Variants in ADAM12 observed in about 807,000 individuals in gnomAD.
ADAM12 encodes the protein disintegrin and metalloproteinase domain-containing protein 12.
ADAM12 carries 70 observed loss-of-function variants against 106.4 expected under a neutral mutation model. That is an observed-to-expected ratio of 0.66 (90% confidence interval 0.54 to 0.80). The LOEUF (loss-of-function observed/expected upper bound fraction) is 0.80. Among genes scored for constraint, ADAM12 ranks in the 30% least tolerant of loss-of-function variants. The pLI is 0.00. For missense variants in ADAM12, 1,010 were observed against 1,171.9 expected, an observed-to-expected ratio of 0.86 and a Z score of 2.02; for synonymous variants, 420 against 433.5, an observed-to-expected ratio of 0.97 and a Z score of 0.39.
At chr10:126,344,717 T>G (rs941591447) in intron 1 of ADAM12, among the ~76,000 whole-genome samples, 2 of 152,206 alleles carry the variant, frequency 1.3e-5, no homozygotes, top group Non-Finnish European at 2.9e-5. Context: ...GGTTTGTTGT[T>G]CTCCTTGAAG....
At chr10:126,311,746 C>A (rs1028082102) in intron 2 of ADAM12, among the ~76,000 whole-genome samples, 4 of 152,172 alleles carry the variant, frequency 2.6e-5, no homozygotes, top group Non-Finnish European at 5.9e-5. Flanking sequence ...TGGTGCACTG[C>A]AACTCCACGG....
chr10:126,038,948 A>ATTT (rs1590319092), intron 19 of ADAM12, among the ~76,000 whole-genome samples: 1 of 100,578 alleles, frequency 9.9e-6, no homozygotes, highest in Non-Finnish European at 2.1e-5. Context: ...CTGAGACACC[A>ATTT]TTTCTTTTTT....
chr10:126,109,793 G>A lies in ADAM12; in HGVS notation c.651C>T (p.Ile217=), dbSNP rs202081020. 115 of 1,611,870 alleles carry A rather than the reference G, an allele frequency of 7.1e-5. No homozygotes were observed. The highest frequency in any genetic ancestry group is 8.4e-5 in the Admixed American group (5 of 59,830). Residue 217 remains isoleucine, a synonymous_variant, in exon 7 of 23, where the codon ATC becomes ATT. Coordinates refer to ENST00000448723, the MANE Select transcript of ADAM12 (RefSeq NM_001288973.2). ...LKATKYVELV[I]VADNREFQRQ... is the part of the protein sequence containing the mutation. The stretch of plus-strand genomic sequence containing the variant: ...TTCTTACCTCTCGGTTGTCTGCCAC[G>A]ATCACCAGCTCCACATACTTAGTTG...
chr10:126,271,531 G>A (rs1017662184), intron 3 of ADAM12, among the ~76,000 whole-genome samples: 1 of 152,302 alleles, frequency 6.6e-6, no homozygotes, highest in South Asian at 2.1e-4. Flanking sequence ...TTGGGAGGCC[G>A]AGGTAGGCAA....
chr10:126,377,413 G>A (rs971307989), intron 1 of ADAM12, among the ~76,000 whole-genome samples: 1 of 152,162 alleles, frequency 6.6e-6, no homozygotes, highest in African/African-American at 2.4e-5. Context: ...GAAGCATCCA[G>A]CACAGGAGAA....
intron 13 of ADAM12, among the ~76,000 whole-genome samples, 178 bp from the exon 14 acceptor site, chr10:126,065,179 G>C (rs1954842351): frequency 6.6e-6 from 1 of 152,146 alleles, no homozygotes; most frequent in African/African-American, 2.4e-5. Context: ...CTCGTTCTGG[G>C]GTTCACTGTT....
At chr10:126,234,913 C>A (rs768833883) in intron 3 of ADAM12, among the ~76,000 whole-genome samples, 1 of 152,206 alleles carries the variant, frequency 6.6e-6, no homozygotes, top group Non-Finnish European at 1.5e-5. Context: ...ACCTACAAAT[C>A]GTAAGGTGGC....
chr10:126,332,381 C>A (rs1232733481), intron 1 of ADAM12, among the ~76,000 whole-genome samples: 1 of 152,168 alleles, frequency 6.6e-6, no homozygotes, highest in Non-Finnish European at 1.5e-5. Flanking sequence ...GAGAAAACTG[C>A]CCTCAGGACT....
At chr10:126,265,227 A>G (rs958761347) in intron 3 of ADAM12, among the ~76,000 whole-genome samples, 1 of 152,220 alleles carries the variant, frequency 6.6e-6, no homozygotes, top group Non-Finnish European at 1.5e-5. Flanking sequence ...GCAGAGTGAT[A>G]AGTAGAGGTG....
chr10:126,064,739 G>A lies in ADAM12; in HGVS notation c.1609+67C>T, dbSNP rs1348844222. On this transcript the variant is annotated intron_variant, in intron 14 of 22. Transcript: ENST00000448723. This position sits in a 1 kb window ranked among gnomAD's most constrained non-coding sequence, Gnocchi z 4.4. ...GGGGGCTAACCAAAACAGAGCACAT[G>A]CCCCCAGTCCCACAGCCCAGGTCTG... 2.7e-6 allele frequency: 4 copies of A among 1,484,294 alleles called. No homozygotes were observed. Among genetic ancestry groups the A allele is most frequent in the Non-Finnish European group, 2.7e-6 (3 of 1,105,632 alleles). 91.9% of individuals were successfully genotyped at this position (1,484,294 alleles called of 1,614,324 possible). A position where few individuals can be genotyped will look rare whatever the true frequency, so the allele number is the denominator to read the frequency against.
intron 5 of ADAM12, among the ~76,000 whole-genome samples, chr10:126,126,072 G>A (rs189133358): frequency 2.6e-5 from 4 of 152,272 alleles, no homozygotes; most frequent in Admixed American, 2.0e-4. Flanking sequence ...GTTGTTTGAA[G>A]CCACCTAGTT....
intron 2 of ADAM12, among the ~76,000 whole-genome samples, chr10:126,297,613 T>C (rs1483921218): frequency 6.6e-6 from 1 of 152,214 alleles, no homozygotes; most frequent in Non-Finnish European, 1.5e-5. Flanking sequence ...GTCATTAAGC[T>C]GATGGTACAC....
chr10:126,156,371 G>A (rs948525758), intron 3 of ADAM12, among the ~76,000 whole-genome samples: 5 of 152,194 alleles, frequency 3.3e-5, no homozygotes, highest in Non-Finnish European at 5.9e-5. Flanking sequence ...TACATAGGGC[G>A]TACAGCGATT....
intron 11 of ADAM12, among the ~76,000 whole-genome samples, chr10:126,084,857 C>A (rs993488425): frequency 1.3e-5 from 2 of 152,198 alleles, no homozygotes; most frequent in South Asian, 2.1e-4. Flanking sequence ...GGCTGAGATC[C>A]AGAATGACCC....
chr10:126,128,114 GA>G (rs1357138544), intron 5 of ADAM12, among the ~76,000 whole-genome samples: 1 of 152,134 alleles, frequency 6.6e-6, no homozygotes, highest in Non-Finnish European at 1.5e-5. Flanking sequence ...AGGCCATGAG[GA>G]AGTCACTTTT....
chr10:126,278,916 C>G lies in ADAM12; in HGVS notation c.259G>C (p.Glu87Gln). 1.2e-6 allele frequency: 2 copies of G among 1,604,054 alleles called. No homozygotes were observed. The highest frequency in any genetic ancestry group is 2.7e-5 in the African/African-American group (2 of 74,854). The change falls in exon 3 of 23, where the codon GAA becomes CAA. Residue 87 changes from glutamate to glutamine, a missense_variant and splice_region_variant. Coordinates refer to ENST00000448723, the MANE Select transcript of ADAM12 (RefSeq NM_001288973.2). ...KELIINLERN[E>Q]GLIASSFTET... ...TGCAATAAACAAGAATTAACTTACT[C>G]ATTTCTTTCCAGATTTATGATCAGT...
At chr10:126,192,367 G>A (rs2133805336) in intron 3 of ADAM12, among the ~76,000 whole-genome samples, 1 of 152,312 alleles carries the variant, frequency 6.6e-6, no homozygotes. Context: ...CATACATTGA[G>A]CACCCTGTCT....
intron 2 of ADAM12, among the ~76,000 whole-genome samples, chr10:126,321,696 C>T (rs907577448): frequency 6.6e-6 from 1 of 152,124 alleles, no homozygotes; most frequent in African/African-American, 2.4e-5. Flanking sequence ...AGAGCGCTGG[C>T]GAGTGCTCAC....
In ADAM12 at chr10:126,337,843, T is replaced by C. The variant is rs941164344; in HGVS notation, c.89-7334A>G. On this transcript the variant is annotated intron_variant, in intron 1 of 22. Coordinates refer to ENST00000448723, the MANE Select transcript of ADAM12 (RefSeq NM_001288973.2). ...TTTCTTTGAGTGCTGGGGCTATGAA[T>C]TCATTATGATTTTCTTCTTTATGTT... Among the ~76,000 whole-genome samples, 20 of 152,198 alleles carry C rather than the reference T, an allele frequency of 1.3e-4. 1 individual carries two copies. The highest frequency in any genetic ancestry group is 4.8e-4 in the African/African-American group (20 of 41,436).
Sources: gnomAD v4.1 joint callset for allele counts (sites outside exome capture counted in the v4.1 genomes callset) on GRCh38, gnomAD v4.1.1 for gene constraint, Gnocchi (gnomAD v3.1) non-coding constraint, MANE v1.5 for transcripts, NCBI Gene and HGNC (gene_info 2026-07-23, HGNC 2026-07-21) for gene names.